Variants in ZDHHC14 observed in about 807,000 individuals in gnomAD.
ZDHHC14 encodes palmitoyltransferase ZDHHC14.
Under a neutral mutation model 47.7 loss-of-function variants are expected in ZDHHC14, and 16 were observed. That is an observed-to-expected ratio of 0.34 (90% CI 0.23 to 0.51). The LOEUF is 0.51. ZDHHC14 is among the 20% of genes least tolerant of loss of function. The pLI, the probability that ZDHHC14 is intolerant of heterozygous loss-of-function variation, is 0.97. For synonymous variants in ZDHHC14, 293 were observed against 278.9 expected, an observed-to-expected ratio of 1.05 and a Z score of -0.50; for missense variants, 515 against 662.5, an observed-to-expected ratio of 0.78 and a Z score of 2.44.
chr6:157,605,729 C>T (rs1344013315), intron 3 of ZDHHC14, among the ~76,000 whole-genome samples: 1 of 152,198 alleles, frequency 6.6e-6, no homozygotes, highest in African/African-American at 2.4e-5. Context: ...ATGACTTCTA[C>T]CCCAGCCCAG....
intron 1 of ZDHHC14, among the ~76,000 whole-genome samples, chr6:157,488,227 G>A (rs956703512): frequency 6.6e-6 from 1 of 152,202 alleles, no homozygotes; most frequent in Non-Finnish European, 1.5e-5. Flanking sequence ...GGGTATGAAA[G>A]GAAGTTTGGT....
chr6:157,403,171 CA>C (rs1777679304), intron 1 of ZDHHC14, among the ~76,000 whole-genome samples: 1 of 152,216 alleles, frequency 6.6e-6, no homozygotes, highest in African/African-American at 2.4e-5. Flanking sequence ...GTTAGCACAT[CA>C]GAGAAAATGT....
chr6:157,519,870 G>A (rs143497937), intron 1 of ZDHHC14, among the ~76,000 whole-genome samples: 2,744 of 152,310 alleles, frequency 0.018, 87 homozygotes, highest in African/African-American at 0.063. Flanking sequence ...GGAAGTCAAA[G>A]GGTCCTGATT....
chr6:157,501,340 G>A (rs1052457879), intron 1 of ZDHHC14, among the ~76,000 whole-genome samples: 3 of 152,034 alleles, frequency 2.0e-5, no homozygotes, highest in African/African-American at 7.2e-5. Flanking sequence ...GGGTGCTTTT[G>A]TAAAAAAAAC....
At position 157,560,367 on chromosome 6, in the gene ZDHHC14, C is replaced by T. The variant is rs532257860; in HGVS notation, c.406+17622C>T. Reference sequence around the variant, plus strand: ...GAGAGATGGCCAACCACCACGTCCTCGTGAATCACCTTTGCAATCTGCTTC... The same window carrying T: ...GAGAGATGGCCAACCACCACGTCCTTGTGAATCACCTTTGCAATCTGCTTC... On this transcript the variant is annotated intron_variant, in intron 2 of 8. Coordinates refer to ENST00000359775, the MANE Select transcript of ZDHHC14 (RefSeq NM_024630.3). Among the ~76,000 whole-genome samples, 38 of 152,364 alleles carry T rather than the reference C, an allele frequency of 2.5e-4. 1 individual carries two copies. Among genetic ancestry groups the T allele is most frequent in the African/African-American group, 7.9e-4 (33 of 41,586 alleles).
chr6:157,398,090 C>T (rs1438787687), intron 1 of ZDHHC14, among the ~76,000 whole-genome samples: 1 of 151,692 alleles, frequency 6.6e-6, no homozygotes, highest in Non-Finnish European at 1.5e-5. Flanking sequence ...CCCCAGCCCC[C>T]CCCGGCTCCC....
chr6:157,449,004 T>C (rs990720191), intron 1 of ZDHHC14, among the ~76,000 whole-genome samples: 4 of 152,222 alleles, frequency 2.6e-5, no homozygotes, highest in East Asian at 3.8e-4. Context: ...GTCACACTGC[T>C]GTGAAGCAGA....
chr6:157,476,950 G>T (rs1008374241), intron 1 of ZDHHC14, among the ~76,000 whole-genome samples: 3 of 152,190 alleles, frequency 2.0e-5, no homozygotes, highest in Non-Finnish European at 4.4e-5. Context: ...ATCATACTCA[G>T]TGGAGAAAGG....
intron 5 of ZDHHC14, among the ~76,000 whole-genome samples, chr6:157,644,223 T>G (rs1777403555): frequency 6.6e-6 from 1 of 152,202 alleles, no homozygotes; most frequent in African/African-American, 2.4e-5. Context: ...GCCTCCCAAG[T>G]CTGTCCCCTC....
intron 1 of ZDHHC14, among the ~76,000 whole-genome samples, chr6:157,507,978 A>C (rs1373987239): frequency 6.6e-6 from 1 of 152,242 alleles, no homozygotes; most frequent in African/African-American, 2.4e-5. Context: ...TTGGGTATAC[A>C]AATATGAATG....
At chr6:157,619,646 A>G (rs899543641) in intron 3 of ZDHHC14, among the ~76,000 whole-genome samples, 6 of 152,250 alleles carry the variant, frequency 3.9e-5, no homozygotes, top group African/African-American at 9.6e-5. Flanking sequence ...ACATTGTAGC[A>G]TAAAGGTCAC....
intron 2 of ZDHHC14, among the ~76,000 whole-genome samples, chr6:157,555,057 C>T (rs528424137): frequency 2.0e-5 from 3 of 152,326 alleles, no homozygotes; most frequent in East Asian, 1.9e-4. Flanking sequence ...GACTGGGTGA[C>T]GGTTGCCCAG....
intron 1 of ZDHHC14, among the ~76,000 whole-genome samples, chr6:157,415,005 G>A (rs1777946037): frequency 6.6e-6 from 1 of 152,022 alleles, no homozygotes; most frequent in Non-Finnish European, 1.5e-5. Flanking sequence ...TCACTCTTAT[G>A]AGGATTCAAG....
At chr6:157,529,290 T>G (rs1781281647) in intron 1 of ZDHHC14, 1 of 154,386 alleles carries the variant, frequency 6.5e-6, no homozygotes, top group African/African-American at 2.4e-5. Context: ...AAAGTTTATC[T>G]TTTTTCATAA....
intron 3 of ZDHHC14, among the ~76,000 whole-genome samples, chr6:157,618,756 C>G (rs1785067203): frequency 6.6e-6 from 1 of 152,144 alleles, no homozygotes; most frequent in African/African-American, 2.4e-5. Flanking sequence ...GAACTCAATC[C>G]TTCCCATCTA....
chr6:157,532,015 C>T (rs1013844150), intron 1 of ZDHHC14, among the ~76,000 whole-genome samples: 2 of 152,258 alleles, frequency 1.3e-5, no homozygotes, highest in Non-Finnish European at 2.9e-5. Context: ...GCCTGCCCAC[C>T]CTGGGTGAGC....
Position 157,617,998 on chromosome 6 carries a change from G to A in ZDHHC14, c.566-10351G>A, listed in dbSNP as rs536536468. 2.6e-5 allele frequency among the ~76,000 whole-genome samples: 4 copies of A among 152,324 alleles called. No homozygotes were observed. The East Asian group carries it at 7.7e-4, about 29-fold the overall frequency. Reference sequence around the variant, plus strand: ...GATGGCACTATTGATTTCAAGACCCGTAATTTCTAGAGAGTCATTGAGAAG... The same window carrying A: ...GATGGCACTATTGATTTCAAGACCCATAATTTCTAGAGAGTCATTGAGAAG... On this transcript the variant is annotated intron_variant, in intron 3 of 8. Transcript: ENST00000359775.
At position 157,564,728 on chromosome 6, in the gene ZDHHC14, A is replaced by T. The variant is rs575990174; in HGVS notation, c.406+21983A>T. On this transcript the variant is annotated intron_variant, in intron 2 of 8. Transcript: ENST00000359775. ...ACTTATAGTCCTTTATTAAAGTACC[A>T]CTGAGCACCAGCAAAGGAGGACAAA... Among the ~76,000 whole-genome samples, 3 of 152,322 alleles carry T rather than the reference A, an allele frequency of 2.0e-5. No individual in the cohort carries two copies. In the South Asian group the frequency reaches 6.2e-4, roughly 32 times the overall value.
chr6:157,495,867 G>C (rs1780051631), intron 1 of ZDHHC14, among the ~76,000 whole-genome samples: 1 of 151,870 alleles, frequency 6.6e-6, no homozygotes, highest in Non-Finnish European at 1.5e-5. Context: ...ACCACAGCTG[G>C]CTAATTTTTG....
Sources: gnomAD v4.1 joint callset for allele counts (sites outside exome capture counted in the v4.1 genomes callset) on GRCh38, gnomAD v4.1.1 for gene constraint, MANE v1.5 for transcripts, NCBI Gene and HGNC (gene_info 2026-07-23, HGNC 2026-07-21) for gene names.